The following SLC6A20 variants were observed in gnomAD, a reference collection of about 807,000 sequenced individuals.
The protein encoded by SLC6A20 is solute carrier family 6 member 20, also known as sodium- and chloride-dependent transporter XTRP3.
Under a neutral mutation model 64.3 loss-of-function variants are expected in SLC6A20, and 73 were observed. That is an observed-to-expected ratio of 1.14 (90% CI 0.94 to 1.38). The LOEUF is 1.38. SLC6A20 is among the 40% of genes most tolerant of loss of function. SLC6A20 has a pLI of 0.00. For missense variants in SLC6A20, 725 were observed against 772.8 expected (o/e 0.94, Z 0.73); for synonymous variants, 347 against 329.6 (o/e 1.05, Z -0.57).
intron 1 of SLC6A20, chr3:45,790,188 T>TA (rs1444833265): frequency 2.0e-5 from 3 of 152,096 alleles, no homozygotes; most frequent in Admixed American, 2.0e-4. Context: ...TCCCTCCACT[T>TA]ACATATCTTT....
In SLC6A20 at chr3:45,770,513, G is replaced by C. The variant is rs1559564734; in HGVS notation, c.936-142C>G. ...ATCTTTTAAAGGGCAGGGTAATTTT[G>C]AATGGCACTGAAGAAGCCTCAGATA... On this transcript the variant is annotated intron_variant, in intron 6 of 10. Transcript: ENST00000358525. 4 of 983,944 alleles carry C rather than the reference G, an allele frequency of 4.1e-6. No homozygotes were observed. The East Asian group carries it at 7.9e-5, about 19-fold the overall frequency. The allele number at this position is 983,944 out of a possible 1,614,324, so 61.0% of individuals were successfully genotyped here.
intron 1 of SLC6A20, among the ~76,000 whole-genome samples, chr3:45,786,548 G>A (rs1373380724): frequency 6.6e-6 from 1 of 152,252 alleles, no homozygotes; most frequent in African/African-American, 2.4e-5. Flanking sequence ...CATTCACGGT[G>A]ATGTAGATTT....
intron 7 of SLC6A20, among the ~76,000 whole-genome samples, chr3:45,766,158 C>T (rs1351705522): frequency 6.6e-6 from 1 of 152,206 alleles, no homozygotes; most frequent in Non-Finnish European, 1.5e-5. Flanking sequence ...ACAGCTTGGT[C>T]AGCAGGCAAC....
intron 8 of SLC6A20, 122 bp from the exon 9 acceptor site, chr3:45,763,194 TG>T (rs1006758153): frequency 2.8e-6 from 4 of 1,420,530 alleles, no homozygotes; most frequent in African/African-American, 2.8e-5. Flanking sequence ...TTCATCCACA[TG>T]GGTTGAAAGA....
At chr3:45,762,494 C>A (rs1372504009) in intron 9 of SLC6A20, among the ~76,000 whole-genome samples, 1 of 152,224 alleles carries the variant, frequency 6.6e-6, no homozygotes, top group African/African-American at 2.4e-5. Flanking sequence ...GGATTGAGAA[C>A]CTCACTGACT....
At position 45,762,955 on chromosome 3, in the gene SLC6A20, A is replaced by G; in HGVS notation, c.1421T>C (p.Leu474Pro). The G allele has an allele frequency of 6.2e-7, 1 of 1,614,154 alleles. No individual in the cohort carries two copies. The highest frequency in any genetic ancestry group is 8.5e-7 in the Non-Finnish European group (1 of 1,180,036). Residue 474 changes from leucine (L) to proline (P), a missense_variant, in exon 9 of 11, where the codon CTG becomes CCG. Leu to Pro is a moderately conservative substitution (Grantham distance 98). Coordinates refer to ENST00000358525, the MANE Select transcript of SLC6A20 (RefSeq NM_020208.4). ...AATLSLLLIVLVETIAVCYVY... is the reference protein window; with the variant it reads ...AATLSLLLIVPVETIAVCYVY... ...GTAGCACACGGCAATCGTCTCCACC[A>G]GCACGATGAGCAGCAGGGACAGTGT...
chr3:45,787,539 G>C lies in SLC6A20; in HGVS notation c.122-5316C>G, dbSNP rs563670643. ...GCTCTGCTTAGAACAGCACTGGGCAGAGAGCCAGAGTCCATTGAATATTTG... is the reference window on the plus strand; with the variant it reads ...GCTCTGCTTAGAACAGCACTGGGCACAGAGCCAGAGTCCATTGAATATTTG... On this transcript the variant is annotated intron_variant, in intron 1 of 10. Transcript: ENST00000358525. Among the ~76,000 whole-genome samples the C allele has an allele frequency of 7.2e-5, 11 of 152,342 alleles. No individual in the cohort carries two copies. In the East Asian group the frequency reaches 1.9e-3, roughly 27 times the overall value.
chr3:45,769,032 GAATT>G lies in SLC6A20; in HGVS notation c.1098+1173_1098+1176del, dbSNP rs527442587. 7.9e-5 allele frequency among the ~76,000 whole-genome samples: 12 copies of G among 152,172 alleles called. No homozygotes were observed. In the South Asian group the frequency reaches 1.0e-3, roughly 13 times the overall value. ...GAAGCAAATCTATACATAAATATGA[GAATT>G]AATAAGAGAATTCATCAAGATTGCT... On this transcript the variant is annotated intron_variant, in intron 7 of 10. Coordinates refer to ENST00000358525, the MANE Select transcript of SLC6A20 (RefSeq NM_020208.4).
chr3:45,795,538 A>G (rs1478734244), intron 1 of SLC6A20, among the ~76,000 whole-genome samples: 1 of 152,136 alleles, frequency 6.6e-6, no homozygotes, highest in Non-Finnish European at 1.5e-5. Context: ...GACAACCGAG[A>G]AAAAAAGTGT....
At chr3:45,764,344 G>A (rs1293098116) in intron 8 of SLC6A20, among the ~76,000 whole-genome samples, 4 of 152,218 alleles carry the variant, frequency 2.6e-5, no homozygotes, top group Non-Finnish European at 5.9e-5. Flanking sequence ...GGATCTCACA[G>A]GTAGATTCTG....
chr3:45,765,689 T>A lies in SLC6A20; in HGVS notation c.1151A>T (p.Asn384Ile). ...AFIVYTEAIK[N>I]MEVSQLWSVL... ...CGACCACAGCTGGGACACCTCCATG[T>A]TTTTAATGGCCTCTGTGTAGACGAT... The change falls in exon 8 of 11, where the codon AAC becomes ATC. Residue 384 changes from asparagine (N) to isoleucine (I), a missense_variant. Asn to Ile is a moderately radical substitution (Grantham distance 149). Coordinates refer to ENST00000358525, the MANE Select transcript of SLC6A20 (RefSeq NM_020208.4). This position sits in a 1 kb window ranked among gnomAD's most constrained non-coding sequence, Gnocchi z 4.2. The A allele has an allele frequency of 6.2e-7, 1 of 1,614,168 alleles. No individual in the cohort carries two copies. Among genetic ancestry groups the A allele is most frequent in the Non-Finnish European group, 8.5e-7 (1 of 1,180,034 alleles).
At chr3:45,778,338 G>A (rs1038615175) in intron 3 of SLC6A20, among the ~76,000 whole-genome samples, 2 of 152,204 alleles carry the variant, frequency 1.3e-5, no homozygotes, top group Admixed American at 6.5e-5. Flanking sequence ...CTAAAGTGCT[G>A]GGACCTATGT....
At position 45,755,759 on chromosome 3, in the gene SLC6A20, CT is replaced by C. The variant is rs1455715711; in HGVS notation, c.*3218del. On this transcript the variant is annotated 3_prime_UTR_variant, in exon 11 of 11. Transcript: ENST00000358525. ...GATTGATTACTGGCTCAAGAGGATT[CT>C]TGAGAAATGTTCTGCTCTTCATGAA... 7 of 152,546 alleles carry C rather than the reference CT, an allele frequency of 4.6e-5. No homozygotes were observed. Among genetic ancestry groups the C allele is most frequent in the Non-Finnish European group, 1.0e-4 (7 of 68,012 alleles). 9.4% of individuals were successfully genotyped at this position (152,546 alleles called of 1,614,324 possible).
intron 6 of SLC6A20, 25 bp downstream of exon 6, chr3:45,771,192 A>T (rs1042020327): frequency 6.2e-7 from 1 of 1,613,432 alleles, no homozygotes; most frequent in African/African-American, 1.3e-5. Flanking sequence ...GAGGCCTGGG[A>T]CTCGGTGGGA....
In SLC6A20 at chr3:45,765,789, T is replaced by C. The variant is rs1453879696; in HGVS notation, c.1099-48A>G. ...AGTTACATGCAAGAGGGACTTATAG[T>C]CTTATTCACGCACTCAGTACTAAGC... On this transcript the variant is annotated intron_variant, in intron 7 of 10. Transcript: ENST00000358525. This position sits in a 1 kb window ranked among gnomAD's most constrained non-coding sequence, Gnocchi z 4.2. The C allele has an allele frequency of 6.2e-7, 1 of 1,604,584 alleles. No homozygotes were observed. The highest frequency in any genetic ancestry group is 8.5e-7 in the Non-Finnish European group (1 of 1,172,770).
At chr3:45,775,314 A>G (rs1699945443) in intron 4 of SLC6A20, among the ~76,000 whole-genome samples, 1 of 152,126 alleles carries the variant, frequency 6.6e-6, no homozygotes, top group African/African-American at 2.4e-5. Flanking sequence ...CAGACTGGTT[A>G]CTGCAGAATT....
At chr3:45,796,229 A>C in intron 1 of SLC6A20, 70 bp downstream of exon 1, 4 of 1,543,446 alleles carry the variant, frequency 2.6e-6, no homozygotes, top group South Asian at 1.2e-5. Context: ...CTTGGGTCTA[A>C]CCCCGGCTCG....
chr3:45,788,902 T>C (rs1353930299), intron 1 of SLC6A20, among the ~76,000 whole-genome samples: 1 of 152,242 alleles, frequency 6.6e-6, no homozygotes, highest in Non-Finnish European at 1.5e-5. Context: ...TAGAACTAAC[T>C]AGTGGTAAAT....
At chr3:45,788,235 T>C (rs1416622570) in intron 1 of SLC6A20, among the ~76,000 whole-genome samples, 4 of 147,536 alleles carry the variant, frequency 2.7e-5, no homozygotes, top group Non-Finnish European at 5.9e-5. Flanking sequence ...CCATACTGGC[T>C]CTTGGTGATA....
Sources: allele counts gnomAD v4.1 joint callset (sites outside exome capture counted in the v4.1 genomes callset), GRCh38; gene constraint gnomAD v4.1.1; non-coding constraint Gnocchi (gnomAD v3.1); transcripts MANE v1.5; gene names NCBI Gene and HGNC (gene_info 2026-07-23, HGNC 2026-07-21).